Variants in PCDHA7 observed in about 807,000 individuals in gnomAD.
The protein encoded by PCDHA7 is protocadherin alpha-7.
PCDHA7 carries 37 observed loss-of-function variants against 57.2 expected under a neutral mutation model. The ratio of observed to expected loss-of-function variants is 0.65; its 90% CI spans 0.50 to 0.85. PCDHA7 has a LOEUF of 0.85. Ranked by LOEUF, PCDHA7 falls within the 40% of genes least tolerant of loss-of-function variation. The pLI is 0.00. For missense variants in PCDHA7, 1,188 were observed against 1,241.8 expected (o/e 0.96, Z 0.65); for synonymous variants, 553 against 558.8 (o/e 0.99, Z 0.15).
Position 140,836,715 on chromosome 5 carries a change from C to G in PCDHA7, c.2332C>G (p.Gln778Glu). 1 of 1,612,974 alleles carries G rather than the reference C, an allele frequency of 6.2e-7. No homozygotes were observed. Among genetic ancestry groups the G allele is most frequent in the Non-Finnish European group, 8.5e-7 (1 of 1,179,284 alleles). The change falls in exon 1 of 4, where the codon CAG becomes GAG. Residue 778 changes from glutamine (Q) to glutamate (E), a missense_variant. Coordinates refer to ENST00000525929, the MANE Select transcript of PCDHA7 (RefSeq NM_018910.3). Reference sequence around the variant, plus strand: ...CATGGCCTTCAGTCCCAGCCTTCCTCAGGGTCCATCCTCTACAGACAATGT... The same window carrying G: ...CATGGCCTTCAGTCCCAGCCTTCCTGAGGGTCCATCCTCTACAGACAATGT... ...DLMAFSPSLP[Q>E]GPSSTDNPRQ...
intron 1 of PCDHA7, among the ~76,000 whole-genome samples, chr5:140,973,059 A>G (rs2096570291): frequency 6.6e-6 from 1 of 152,062 alleles, no homozygotes; most frequent in African/African-American, 2.4e-5. Context: ...TTTGTCCAAC[A>G]GTGTCTCAGT....
intron 1 of PCDHA7, among the ~76,000 whole-genome samples, chr5:140,959,785 C>T (rs976645506): frequency 3.5e-4 from 53 of 152,280 alleles, no homozygotes; most frequent in African/African-American, 1.2e-3. Context: ...TGTATATTAA[C>T]ATGGCTAATT....
intron 1 of PCDHA7, among the ~76,000 whole-genome samples, chr5:140,919,231 CT>C (rs2079047316): frequency 6.6e-6 from 1 of 152,160 alleles, no homozygotes; most frequent in African/African-American, 2.4e-5. Context: ...TCTAGTAACA[CT>C]TTTTGTCTTG....
chr5:140,944,410 C>G (rs1339076109), intron 1 of PCDHA7, among the ~76,000 whole-genome samples: 1 of 152,272 alleles, frequency 6.6e-6, no homozygotes, highest in Middle Eastern at 3.4e-3. Flanking sequence ...TGGTCTCGAA[C>G]TCCTGATCTG....
At chr5:140,897,682 A>G (rs1397590916) in intron 1 of PCDHA7, among the ~76,000 whole-genome samples, 3 of 152,186 alleles carry the variant, frequency 2.0e-5, no homozygotes, top group Non-Finnish European at 4.4e-5. Flanking sequence ...AGCATGATTT[A>G]TAGTCCTTTG....
chr5:140,982,566 A>C lies in PCDHA7; in HGVS notation c.2503+3A>C. 1.2e-6 allele frequency: 2 copies of C among 1,614,088 alleles called. No individual in the cohort carries two copies. Among genetic ancestry groups the C allele is most frequent in the Non-Finnish European group, 1.7e-6 (2 of 1,179,950 alleles). ...AACAGTATCCAGTGCAACACCAGGT[A>C]AAGAGCTGGGGTCTCTCCATTCTTT... is the stretch of plus-strand genomic sequence containing the variant. On this transcript the variant is annotated splice_donor_region_variant and intron_variant, in intron 3 of 3. Transcript: ENST00000525929.
chr5:140,884,654 T>C, intron 1 of PCDHA7: 1 of 1,602,858 alleles, frequency 6.2e-7, no homozygotes, highest in South Asian at 1.1e-5. Context: ...CTCAGAATGC[T>C]TGAAAGAGGT....
chr5:140,843,859 T>C lies in PCDHA7; in HGVS notation c.2355+7121T>C, dbSNP rs1779121343. ...GTTTTTAGAAACCTTTTATAATTAA[T>C]TGAATTTTCTCAGTGGCATAATACA... On this transcript the variant is annotated intron_variant, in intron 1 of 3. Coordinates refer to ENST00000525929, the MANE Select transcript of PCDHA7 (RefSeq NM_018910.3). 13 of 919,578 alleles carry C rather than the reference T, an allele frequency of 1.4e-5. No individual in the cohort carries two copies. The East Asian group carries it at 3.1e-4, about 22-fold the overall frequency. The allele number at this position is 919,578 out of a possible 1,614,324, so 57.0% of individuals were successfully genotyped here. A position where few individuals can be genotyped will look rare whatever the true frequency, so the allele number is the denominator to read the frequency against.
intron 1 of PCDHA7, among the ~76,000 whole-genome samples, chr5:140,923,834 T>G (rs2081542074): frequency 6.6e-6 from 1 of 152,210 alleles, no homozygotes; most frequent in South Asian, 2.1e-4. Flanking sequence ...AGTGGCAGTT[T>G]AAATAGAGAA....
intron 1 of PCDHA7, among the ~76,000 whole-genome samples, chr5:140,891,677 TTCTC>T (rs1335607297): frequency 2.6e-5 from 4 of 152,240 alleles, no homozygotes; most frequent in African/African-American, 9.6e-5. Context: ...AGTTTAATAA[TTCTC>T]TCTTCTTGCT....
intron 1 of PCDHA7, chr5:140,929,415 C>A: frequency 6.6e-7 from 1 of 1,504,268 alleles, no homozygotes; most frequent in Non-Finnish European, 8.9e-7. Context: ...CCTTTCACAA[C>A]ATTTCATCAA....
chr5:140,884,514 C>G, intron 1 of PCDHA7: 21 of 1,614,176 alleles, frequency 1.3e-5, no homozygotes, highest in South Asian at 2.2e-5. Flanking sequence ...GGGAGTTGGT[C>G]GTACTCGCAG....
At position 140,929,227 on chromosome 5, in the gene PCDHA7, G is replaced by C. The variant is rs141300036; in HGVS notation, c.2356-49722G>C. ...GTTGCGTGGGGAGTACAATGCTGCC[G>C]ACCTGCGAAATCTTGCCACTGGGGT... On this transcript the variant is annotated intron_variant, in intron 1 of 3. Transcript: ENST00000525929. 7.4e-6 allele frequency: 12 copies of C among 1,613,892 alleles called. No homozygotes were observed. In the African/African-American group the frequency reaches 1.5e-4, roughly 20 times the overall value.
chr5:140,987,904 G>A (rs115515462), intron 3 of PCDHA7, among the ~76,000 whole-genome samples: 1 of 151,734 alleles, frequency 6.6e-6, no homozygotes, highest in African/African-American at 2.4e-5. Context: ...TTTTATATGG[G>A]GATTTATATT....
intron 3 of PCDHA7, among the ~76,000 whole-genome samples, chr5:140,996,637 G>A (rs2097735642): frequency 6.6e-6 from 1 of 152,190 alleles, no homozygotes; most frequent in Admixed American, 6.5e-5. Flanking sequence ...TGCAAATTAT[G>A]TAGTTAATCC....
chr5:140,989,253 G>A (rs886150768), intron 3 of PCDHA7, among the ~76,000 whole-genome samples: 4 of 152,194 alleles, frequency 2.6e-5, no homozygotes, highest in Non-Finnish European at 1.5e-5. Flanking sequence ...CTTGTCAAAA[G>A]GGAGATTCAA....
intron 1 of PCDHA7, among the ~76,000 whole-genome samples, chr5:140,923,187 T>C (rs1554201249): frequency 1.3e-5 from 2 of 152,192 alleles, no homozygotes; most frequent in African/African-American, 4.8e-5. Flanking sequence ...ATGCATCTAC[T>C]GCAGCAATTT....
chr5:140,869,962 A>C (rs1554163660), intron 1 of PCDHA7: 4 of 1,612,950 alleles, frequency 2.5e-6, no homozygotes, highest in Middle Eastern at 1.6e-4. Flanking sequence ...AATTAAGCCC[A>C]ATGGAAGACA....
intron 1 of PCDHA7, chr5:140,865,841 T>C (rs1371165787): frequency 1.3e-5 from 2 of 152,176 alleles, no homozygotes; most frequent in African/African-American, 4.8e-5. Flanking sequence ...CTTTAGTAAG[T>C]CATTTCTCTG....
Sources: gnomAD v4.1 joint callset for allele counts (sites outside exome capture counted in the v4.1 genomes callset) on GRCh38, gnomAD v4.1.1 for gene constraint, MANE v1.5 for transcripts, NCBI Gene and HGNC (gene_info 2026-07-23, HGNC 2026-07-21) for gene names.